Variants in SAMD5 observed in about 807,000 individuals in gnomAD.
SAMD5 encodes the protein sterile alpha motif domain-containing protein 5.
In SAMD5, 13 loss-of-function variants were observed where a neutral mutation model predicts 11.3. The ratio of observed to expected loss-of-function variants is 1.15; its 90% CI spans 0.75 to 1.83. The LOEUF is 1.83. Among genes scored for constraint, SAMD5 ranks in the 40% most tolerant of loss-of-function variants. The probability of loss-of-function intolerance (pLI) is 0.00; values close to 1 mark genes in which losing one functional copy is unlikely to be tolerated. For synonymous variants in SAMD5, 129 were observed against 111.3 expected, an observed-to-expected ratio of 1.16 and a Z score of -1.00; for missense variants, 255 against 239.1, an observed-to-expected ratio of 1.07 and a Z score of -0.44.
the SAMD5 span, among the ~76,000 whole-genome samples, chr6:147,879,531 G>T: frequency 2.0e-5 from 3 of 151,998 alleles, no homozygotes; most frequent in Non-Finnish European, 4.4e-5. Flanking sequence ...ATTACAGCAC[G>T]TATGTATTTC....
the SAMD5 span, among the ~76,000 whole-genome samples, chr6:147,766,428 T>G: frequency 1.3e-5 from 2 of 152,138 alleles, no homozygotes; most frequent in African/African-American, 4.8e-5. Flanking sequence ...AAACATAATT[T>G]TCTTAAGCTT....
chr6:147,512,164 G>A (rs1308320922), intron 1 of SAMD5, among the ~76,000 whole-genome samples: 4 of 152,110 alleles, frequency 2.6e-5, no homozygotes, highest in Non-Finnish European at 4.4e-5. Context: ...CACCATGTTG[G>A]CCAGGCTCAT....
chr6:147,685,953 C>G (rs1470928525), intron 1 of SAMD5, among the ~76,000 whole-genome samples: 2 of 152,160 alleles, frequency 1.3e-5, no homozygotes, highest in Non-Finnish European at 2.9e-5. Flanking sequence ...AAGATACCAG[C>G]AAAGTTTTTG....
At chr6:147,866,101 G>A in the SAMD5 span, among the ~76,000 whole-genome samples, 1 of 141,608 alleles carries the variant, frequency 7.1e-6, no homozygotes, top group Non-Finnish European at 1.6e-5. Context: ...TTGTATCTTA[G>A]TGAGCTGAAA....
At chr6:147,939,473 T>C in the SAMD5 span, among the ~76,000 whole-genome samples, 1 of 152,164 alleles carries the variant, frequency 6.6e-6, no homozygotes, top group African/African-American at 2.4e-5. Flanking sequence ...AACCAAGAGT[T>C]GCGTCTTTAA....
chr6:147,592,866 A>G (rs1334744007), intron 1 of SAMD5, among the ~76,000 whole-genome samples: 2 of 152,148 alleles, frequency 1.3e-5, no homozygotes, highest in Non-Finnish European at 2.9e-5. Context: ...CTTACACTAT[A>G]TTCAGGATCC....
intron 1 of SAMD5, among the ~76,000 whole-genome samples, chr6:147,578,464 TA>T (rs1450765971): frequency 6.6e-6 from 1 of 152,210 alleles, no homozygotes; most frequent in Non-Finnish European, 1.5e-5. Context: ...GAGGGAGCTT[TA>T]AAAATCACAT....
intron 1 of SAMD5, among the ~76,000 whole-genome samples, chr6:147,685,724 T>C (rs554009787): frequency 1.2e-4 from 19 of 152,338 alleles, no homozygotes; most frequent in African/African-American, 4.6e-4. Flanking sequence ...TTCTTTTTTT[T>C]GACCAATTTC....
chr6:147,753,172 T>A, the SAMD5 span, among the ~76,000 whole-genome samples: 1 of 152,296 alleles, frequency 6.6e-6, no homozygotes, highest in South Asian at 2.1e-4. Context: ...CCAATGCTGC[T>A]TTCCTTTGCT....
the SAMD5 span, among the ~76,000 whole-genome samples, chr6:147,792,435 ATTGT>A: frequency 2.0e-5 from 3 of 152,228 alleles, no homozygotes; most frequent in Admixed American, 6.5e-5. Context: ...AAATGCAGAC[ATTGT>A]TTGTGAACTA....
the SAMD5 span, among the ~76,000 whole-genome samples, chr6:147,852,841 C>A: frequency 1.3e-5 from 2 of 152,172 alleles, no homozygotes; most frequent in Non-Finnish European, 2.9e-5. Flanking sequence ...TAGGCCATGC[C>A]TCCCATCCAT....
At chr6:147,920,194 G>A in the SAMD5 span, among the ~76,000 whole-genome samples, 18 of 152,180 alleles carry the variant, frequency 1.2e-4, no homozygotes, top group Admixed American at 1.1e-3. Context: ...TTCAGTCTGG[G>A]TGGGCACCAT....
At chr6:147,907,601 C>T in the SAMD5 span, among the ~76,000 whole-genome samples, 2 of 152,216 alleles carry the variant, frequency 1.3e-5, no homozygotes, top group Non-Finnish European at 2.9e-5. Flanking sequence ...ACAGACCCTA[C>T]AAACAGCAGG....
chr6:147,542,615 G>C (rs1040484665), intron 1 of SAMD5, among the ~76,000 whole-genome samples: 2 of 152,152 alleles, frequency 1.3e-5, no homozygotes, highest in Non-Finnish European at 2.9e-5. Flanking sequence ...CAGTTCCTGG[G>C]TGGGGGCCGC....
intron 1 of SAMD5, among the ~76,000 whole-genome samples, chr6:147,549,619 T>C (rs527326571): frequency 6.6e-6 from 1 of 152,238 alleles, no homozygotes; most frequent in East Asian, 1.9e-4. Flanking sequence ...TGGGCTTTCC[T>C]TCTTTGTTTC....
intron 1 of SAMD5, among the ~76,000 whole-genome samples, chr6:147,595,652 G>T (rs565433504): frequency 6.7e-6 from 1 of 149,836 alleles, no homozygotes; most frequent in East Asian, 2.0e-4. Flanking sequence ...TCAGCCTCCT[G>T]AGTAGCTGGG....
chr6:147,706,813 T>C (rs902082845), intron 1 of SAMD5, among the ~76,000 whole-genome samples: 4 of 152,216 alleles, frequency 2.6e-5, no homozygotes, highest in African/African-American at 4.8e-5. Flanking sequence ...CTAAAATTAA[T>C]GTTTCTCTAA....
At chr6:147,945,447 A>C in the SAMD5 span, among the ~76,000 whole-genome samples, 1 of 152,226 alleles carries the variant, frequency 6.6e-6, no homozygotes, top group Non-Finnish European at 1.5e-5. Flanking sequence ...AACGTTATTT[A>C]TCCGTGTATA....
chr6:147,789,097 AAAC>A, the SAMD5 span, among the ~76,000 whole-genome samples: 33 of 113,024 alleles, frequency 2.9e-4, no homozygotes, highest in East Asian at 5.5e-3. Flanking sequence ...ACAAACAAAC[AAAC>A]AAAAAAAAAA....
Sources: gnomAD v4.1 joint callset for allele counts (sites outside exome capture counted in the v4.1 genomes callset) on GRCh38, gnomAD v4.1.1 for gene constraint, MANE v1.5 for transcripts, NCBI Gene and HGNC (gene_info 2026-07-23, HGNC 2026-07-21) for gene names.